Variants in POLK observed in about 807,000 individuals in gnomAD.
POLK encodes polymerase (DNA directed) kappa.
POLK carries 76 observed loss-of-function variants against 94.0 expected under a neutral mutation model. That is an observed-to-expected ratio of 0.81 (90% CI 0.67 to 0.98). The LOEUF is 0.98. Ranked by LOEUF, POLK falls within the 50% of genes least tolerant of loss-of-function variation. The pLI, the probability that POLK is intolerant of heterozygous loss-of-function variation, is 0.00. For synonymous variants in POLK, 349 were observed against 325.4 expected, an observed-to-expected ratio of 1.07 and a Z score of -0.78; for missense variants, 954 against 1,010.1, an observed-to-expected ratio of 0.94 and a Z score of 0.75.
chr5:75,595,272 A>AAAAAAAAAAC (rs1773015667), intron 12 of POLK, among the ~76,000 whole-genome samples: 1 of 148,976 alleles, frequency 6.7e-6, no homozygotes, highest in African/African-American at 2.5e-5. Flanking sequence ...AAAAAAAAAA[A>AAAAAAAAAAC]AGCCCAAGAG....
At chr5:75,537,258 C>T (rs3104711) in intron 1 of POLK, among the ~76,000 whole-genome samples, 2 of 152,126 alleles carry the variant, frequency 1.3e-5, no homozygotes, top group African/African-American at 4.8e-5. Context: ...GTGGCTCTGC[C>T]TCAGTCTAGA....
chr5:75,540,033 G>A (rs1355471599), intron 1 of POLK, among the ~76,000 whole-genome samples: 3 of 152,068 alleles, frequency 2.0e-5, no homozygotes, highest in African/African-American at 7.2e-5. Context: ...TAAAAAGTCA[G>A]GAGCAGTGGA....
Position 75,573,879 on chromosome 5 carries a change from T to C in POLK, c.540+10T>C, listed in dbSNP as rs1771732264. The stretch of plus-strand genomic sequence containing the variant: ...AGCTGTGAGTAAAGAGGTAAGTTAA[T>C]GTCTCACCCCTACTTTAGGCTTTCA... On this transcript the variant is annotated intron_variant, in intron 5 of 14. Coordinates refer to ENST00000241436, the Ensembl canonical transcript of POLK. The C allele has an allele frequency of 3.1e-6, 5 of 1,612,662 alleles. No homozygotes were observed. The highest frequency in any genetic ancestry group is 4.2e-6 in the Non-Finnish European group (5 of 1,179,062).
chr5:75,581,485 ATT>A (rs771765147), intron 7 of POLK, 37 bp downstream of exon 7: 2 of 1,566,934 alleles, frequency 1.3e-6, no homozygotes, highest in African/African-American at 2.7e-5. Context: ...TGTAGTTATA[ATT>A]TTCAGACTGG....
At chr5:75,543,259 CA>C (rs1342889323) in intron 1 of POLK, among the ~76,000 whole-genome samples, 3 of 151,892 alleles carry the variant, frequency 2.0e-5, no homozygotes, top group Middle Eastern at 6.8e-3. Flanking sequence ...AGGTTGGTCT[CA>C]AACTCCTGAT....
rs371729451 is a variant in POLK at position 75,549,755 on chromosome 5, G to A, written c.135+2598G>A. 5.9e-5 allele frequency among the ~76,000 whole-genome samples: 9 copies of A among 152,084 alleles called. No individual in the cohort carries two copies. The South Asian group carries it at 1.0e-3, about 18-fold the overall frequency. Reference sequence around the variant, plus strand: ...AATATATAGAAAATTACAGAGAATAGTAAAGTAAATCCCCATATAATCATC... The same window carrying A: ...AATATATAGAAAATTACAGAGAATAATAAAGTAAATCCCCATATAATCATC... On this transcript the variant is annotated intron_variant, in intron 2 of 14. Transcript: ENST00000241436.
At chr5:75,511,541 AAAG>A, upstream of POLK, 1 of 1,460,374 alleles carries the variant, frequency 6.8e-7, no homozygotes, top group Non-Finnish European at 9.0e-7. Flanking sequence ...GGAAAAGGGA[AAAG>A]AAGGGAAGAG....
chr5:75,585,381 G>A (rs1204232560), intron 9 of POLK, among the ~76,000 whole-genome samples: 1 of 152,180 alleles, frequency 6.6e-6, no homozygotes, highest in Non-Finnish European at 1.5e-5. Flanking sequence ...CACTATTCTA[G>A]GCACTGTAGA....
intron 7 of POLK, chr5:75,581,944 G>T (rs1772216300): frequency 1.4e-6 from 1 of 726,922 alleles, no homozygotes; most frequent in Non-Finnish European, 1.7e-6. Flanking sequence ...CTCCCAAAGT[G>T]CTGGGATTAC....
chr5:75,576,846 A>G, exon 6 of POLK: 1 of 1,565,678 alleles, frequency 6.4e-7, no homozygotes, highest in Non-Finnish European at 8.7e-7. Flanking sequence ...AGCCTACTTG[A>G]ATATAACAAA....
At chr5:75,553,999 A>C (rs1423217752) in intron 3 of POLK, among the ~76,000 whole-genome samples, 1 of 152,190 alleles carries the variant, frequency 6.6e-6, no homozygotes, top group East Asian at 1.9e-4. Flanking sequence ...GAATTAACAA[A>C]AGTGAATTAT....
chr5:75,533,309 C>T (rs1276919822), intron 1 of POLK, among the ~76,000 whole-genome samples: 1 of 152,096 alleles, frequency 6.6e-6, no homozygotes, highest in Non-Finnish European at 1.5e-5. Context: ...ATGTGGCTAA[C>T]CAGTTATCTC....
chr5:75,526,604 CAG>C (rs1768862826), intron 1 of POLK, among the ~76,000 whole-genome samples: 2 of 128,596 alleles, frequency 1.6e-5, no homozygotes, highest in African/African-American at 3.0e-5. Flanking sequence ...TTTTTGGAGA[CAG>C]AGTCTCGCTC....
intron 1 of POLK, among the ~76,000 whole-genome samples, chr5:75,538,952 A>G (rs1409511432): frequency 6.6e-6 from 1 of 151,990 alleles, no homozygotes; most frequent in Non-Finnish European, 1.5e-5. Flanking sequence ...TTGTATTTTT[A>G]GTAGAGATGA....
At chr5:75,604,770 C>T (rs1773380779), downstream of POLK, among the ~76,000 whole-genome samples, 1 of 152,164 alleles carries the variant, frequency 6.6e-6, no homozygotes, top group Admixed American at 6.5e-5. Flanking sequence ...TAGTAAACCT[C>T]ACAGAGAGGT....
chr5:75,591,889 G>T (rs1374189383), intron 11 of POLK, among the ~76,000 whole-genome samples: 1 of 152,168 alleles, frequency 6.6e-6, no homozygotes, highest in Admixed American at 6.5e-5. Context: ...ATCCTATCAT[G>T]GGGTGTATAA....
chr5:75,558,717 G>A (rs1770776323), intron 3 of POLK, among the ~76,000 whole-genome samples: 1 of 151,662 alleles, frequency 6.6e-6, no homozygotes, highest in South Asian at 2.1e-4. Context: ...TTTTATCAAG[G>A]TTTTAAAAAA....
At chr5:75,597,294 C>T (rs1773144323) in intron 13 of POLK, 116 bp downstream of exon 13, 1 of 645,924 alleles carries the variant, frequency 1.5e-6, no homozygotes, top group Non-Finnish European at 2.7e-6. Context: ...TTGTGTATGC[C>T]GCCATTTAGG....
chr5:75,581,655 A>C (rs1772198639), intron 7 of POLK: 4 of 521,616 alleles, frequency 7.7e-6, no homozygotes, highest in Non-Finnish European at 1.3e-5. Context: ...GCCTGAAGGA[A>C]AAAAAAGATT....
Sources: allele counts gnomAD v4.1 joint callset (sites outside exome capture counted in the v4.1 genomes callset), GRCh38; gene constraint gnomAD v4.1.1; transcripts MANE v1.5; gene names NCBI Gene and HGNC (gene_info 2026-07-23, HGNC 2026-07-21).